Variants in TUB observed in about 807,000 individuals in gnomAD.
TUB encodes TUB bipartite transcription factor.
Under a neutral mutation model 59.7 loss-of-function variants are expected in TUB, and 33 were observed. That is an observed-to-expected ratio of 0.55 (90% CI 0.42 to 0.74). The LOEUF (loss-of-function observed/expected upper bound fraction) is 0.74. Among genes scored for constraint, TUB ranks in the 30% least tolerant of loss-of-function variants. TUB has a pLI of 0.00. For missense variants in TUB, 659 were observed against 672.0 expected (o/e 0.98, Z 0.21); for synonymous variants, 293 against 256.4 (o/e 1.14, Z -1.36).
intron 9 of TUB, among the ~76,000 whole-genome samples, chr11:8,100,269 G>A (rs1944212485): frequency 6.6e-6 from 1 of 150,634 alleles, no homozygotes; most frequent in Non-Finnish European, 1.5e-5. Context: ...CGGAGCGAGT[G>A]GAAGAACAGC....
In TUB at chr11:8,059,086, G is replaced by A. The variant is rs147457569; in HGVS notation, c.203+19394G>A. Among the ~76,000 whole-genome samples, 1,515 of 152,218 alleles carry A rather than the reference G, an allele frequency of 1.0e-2. 26 individuals are homozygous for A. Among genetic ancestry groups the A allele is most frequent in the Non-Finnish European group, 0.016 (1,115 of 68,010 alleles). ...GACGGTGAGGTAGGGTGGGGTGGAG[G>A]GACAGATGTAACTTGCAGAGACCCT... On this transcript the variant is annotated intron_variant, in intron 2 of 12. Coordinates refer to the TUB transcript ENST00000305253.
chr11:8,099,697 G>GA (rs1944171400), intron 9 of TUB, among the ~76,000 whole-genome samples: 1 of 152,314 alleles, frequency 6.6e-6, no homozygotes, highest in Admixed American at 6.5e-5. Context: ...ACACTAAGAA[G>GA]AAAAAGTAGG....
intron 2 of TUB, among the ~76,000 whole-genome samples, chr11:8,049,574 TATATATAG>T (rs771912866): frequency 2.3e-4 from 21 of 89,588 alleles, no homozygotes; most frequent in Admixed American, 1.4e-4. Context: ...TATATATATA[TATATATAG>T]ATAGATAGAT....
upstream of TUB, among the ~76,000 whole-genome samples, chr11:8,079,318 G>A (rs1391691000): frequency 6.6e-6 from 1 of 152,110 alleles, no homozygotes; most frequent in Non-Finnish European, 1.5e-5. Context: ...TCTAGGCAAG[G>A]TTCTGCCCTG....
intron 1 of TUB, among the ~76,000 whole-genome samples, chr11:8,030,416 T>G (rs949201423): frequency 6.6e-6 from 1 of 152,146 alleles, no homozygotes; most frequent in Admixed American, 6.5e-5. Flanking sequence ...TTGGGGGAGA[T>G]TCACACCTTT....
At chr11:8,096,334 A>G (rs1454824458) in intron 5 of TUB, among the ~76,000 whole-genome samples, 2 of 152,206 alleles carry the variant, frequency 1.3e-5, no homozygotes, top group African/African-American at 4.8e-5. Context: ...TCCCAGTTCA[A>G]GGTGAGCTCA....
At chr11:8,021,697 C>T (rs1259078415) in intron 1 of TUB, among the ~76,000 whole-genome samples, 1 of 151,894 alleles carries the variant, frequency 6.6e-6, no homozygotes, top group Non-Finnish European at 1.5e-5. Context: ...AAGCAGATCA[C>T]GAGGTCAGGA....
rs537787347 is a variant in TUB, at chr11:8,105,052, T to C, written c.*3433T>C. ...GGTTGGTTTCAAAGAAAAAGGTCCA[T>C]GCTTTGCTTACAATGGAGTCTGCAG... is the stretch of plus-strand genomic sequence containing the variant. On this transcript the variant is annotated 3_prime_UTR_variant, in exon 12 of 12. Coordinates refer to ENST00000299506, the MANE Select transcript of TUB (RefSeq NM_177972.3). The C allele has an allele frequency of 1.3e-5, 2 of 152,106 alleles. No individual in the cohort carries two copies. The highest frequency in any genetic ancestry group is 2.1e-4 in the South Asian group (1 of 4,798). The allele number at this position is 152,106 out of a possible 1,614,324, so 9.4% of individuals were successfully genotyped here. A position where few individuals can be genotyped will look rare whatever the true frequency, so the allele number is the denominator to read the frequency against.
chr11:8,036,341 T>C (rs1463528559), upstream of TUB, among the ~76,000 whole-genome samples: 4 of 152,204 alleles, frequency 2.6e-5, no homozygotes, highest in African/African-American at 9.6e-5. Context: ...TCATTCTATT[T>C]TCCTGCAGAT....
intron 1 of TUB, among the ~76,000 whole-genome samples, chr11:8,028,280 A>C (rs1942527505): frequency 6.6e-6 from 1 of 152,130 alleles, no homozygotes; most frequent in Non-Finnish European, 1.5e-5. Flanking sequence ...TATCATTTTT[A>C]ATTAGGTTGT....
intron 1 of TUB, chr11:8,039,118 G>C (rs745882218): frequency 1.6e-5 from 23 of 1,476,130 alleles, no homozygotes; most frequent in Non-Finnish European, 2.0e-5. Context: ...ACCCTTTACA[G>C]TCCCAAGGCC....
chr11:8,053,851 CACGCCTGTA>C (rs1054781820), intron 2 of TUB, among the ~76,000 whole-genome samples: 2 of 149,856 alleles, frequency 1.3e-5, no homozygotes, highest in African/African-American at 4.9e-5. Context: ...CGCAGTGGCT[CACGCCTGTA>C]ATCCCAGCAC....
At position 8,106,176 on chromosome 11, in the gene TUB, G is replaced by C. The variant is rs1250783934; in HGVS notation, c.*4557G>C. 1.3e-5 allele frequency: 2 copies of C among 151,846 alleles called. No homozygotes were observed. Among genetic ancestry groups the C allele is most frequent in the Admixed American group, 1.3e-4 (2 of 15,270 alleles). 9.4% of individuals were successfully genotyped at this position (151,846 alleles called of 1,614,324 possible). The stretch of plus-strand genomic sequence containing the variant: ...ATTTTCCCATGTTGACATTATGTAT[G>C]TTGTAGAATTTAGTGTTTGTCTAAG... On this transcript the variant is annotated 3_prime_UTR_variant, in exon 12 of 12. Transcript: ENST00000299506.
intron 2 of TUB, among the ~76,000 whole-genome samples, chr11:8,075,013 G>C (rs1429787979): frequency 6.6e-6 from 1 of 152,002 alleles, no homozygotes; most frequent in Non-Finnish European, 1.5e-5. Flanking sequence ...CCAAAGTGCT[G>C]GGGTTACAGG....
At chr11:8,034,122 C>A (rs1438578933), upstream of TUB, among the ~76,000 whole-genome samples, 2 of 152,202 alleles carry the variant, frequency 1.3e-5, no homozygotes, top group African/African-American at 4.8e-5. Context: ...ATTCCAAGAG[C>A]CTCCCAGCCT....
intron 2 of TUB, among the ~76,000 whole-genome samples, chr11:8,057,157 C>A (rs11041723): frequency 0.42 from 63,821 of 151,896 alleles, 14,922 homozygotes; most frequent in Middle Eastern, 0.62. Context: ...TAGGGTGACT[C>A]TCCTGGAACT....
intron 1 of TUB, among the ~76,000 whole-genome samples, chr11:8,028,772 G>T (rs943059428): frequency 1.4e-5 from 1 of 69,524 alleles, no homozygotes; most frequent in Non-Finnish European, 2.7e-5. Flanking sequence ...ATTTTGGGAG[G>T]CTCGGGTAGG....
At chr11:8,070,749 G>A (rs995280127) in intron 2 of TUB, among the ~76,000 whole-genome samples, 1 of 152,192 alleles carries the variant, frequency 6.6e-6, no homozygotes, top group Non-Finnish European at 1.5e-5. Flanking sequence ...AGACCCAAAA[G>A]TCTGCAAAGG....
chr11:8,053,296 C>G (rs1942962956), intron 2 of TUB, among the ~76,000 whole-genome samples: 1 of 152,052 alleles, frequency 6.6e-6, no homozygotes, highest in Non-Finnish European at 1.5e-5. Context: ...ATTTGTTAAT[C>G]TTTTATTGAG....
Sources: allele counts gnomAD v4.1 joint callset (sites outside exome capture counted in the v4.1 genomes callset), GRCh38; gene constraint gnomAD v4.1.1; transcripts MANE v1.5; gene names NCBI Gene and HGNC (gene_info 2026-07-23, HGNC 2026-07-21).